Variants in GABPB2 observed in about 807,000 individuals in gnomAD.
GABPB2 encodes GA binding protein transcription factor subunit beta 2.
In GABPB2, 23 loss-of-function variants were observed where a neutral mutation model predicts 39.1. That is an observed-to-expected ratio of 0.59 (90% CI 0.42 to 0.83). The LOEUF (loss-of-function observed/expected upper bound fraction) is 0.83. Among genes scored for constraint, GABPB2 ranks in the 40% least tolerant of loss-of-function variants. The probability of loss-of-function intolerance (pLI) is 0.00; values close to 1 mark genes in which losing one functional copy is unlikely to be tolerated. For synonymous variants in GABPB2, 184 were observed against 199.3 expected, an observed-to-expected ratio of 0.92 and a Z score of 0.65; for missense variants, 467 against 541.1, an observed-to-expected ratio of 0.86 and a Z score of 1.36.
intron 7 of GABPB2, among the ~76,000 whole-genome samples, chr1:151,108,432 A>G (rs1558155318): frequency 1.3e-5 from 2 of 152,144 alleles, no homozygotes; most frequent in Non-Finnish European, 2.9e-5. Context: ...TAAGCCTCCC[A>G]GAGTGCTGGG....
Position 151,107,132 on chromosome 1 carries a change from G to A in GABPB2, c.832G>A (p.Asp278Asn), listed in dbSNP as rs1680030535. Reference protein sequence around the residue: ...GGQRVITIVTDGVPLGNIQTS... With the variant: ...GGQRVITIVTNGVPLGNIQTS... Reference sequence around the variant, plus strand: ...CCAGAGGGTCATCACCATAGTGACTGATGGAGTCCCTCTGGGTAATATCCA... The same window carrying A: ...CCAGAGGGTCATCACCATAGTGACTAATGGAGTCCCTCTGGGTAATATCCA... The change falls in exon 7 of 9, where the codon GAT becomes AAT. Residue 278 changes from aspartate (D) to asparagine (N), a missense_variant. By Grantham distance (23) the Asp-to-Asn change is conservative. Transcript: ENST00000368918. 1.9e-6 allele frequency: 3 copies of A among 1,612,914 alleles called. No homozygotes were observed. The Admixed American group carries it at 5.0e-5, about 27-fold the overall frequency.
chr1:151,081,866 A>T (rs1487656687), intron 1 of GABPB2, among the ~76,000 whole-genome samples: 1 of 151,784 alleles, frequency 6.6e-6, no homozygotes, highest in South Asian at 2.1e-4. Flanking sequence ...CGAACTCCTG[A>T]CCTTAGGTGA....
chr1:151,105,499 A>G (rs888005692), intron 6 of GABPB2, among the ~76,000 whole-genome samples: 2 of 150,410 alleles, frequency 1.3e-5, no homozygotes, highest in African/African-American at 4.9e-5. Context: ...ATGTATATAT[A>G]TATATGTTTG....
chr1:151,093,765 A>G (rs1227506962), intron 4 of GABPB2, among the ~76,000 whole-genome samples: 1 of 151,990 alleles, frequency 6.6e-6, no homozygotes. Flanking sequence ...GACTTGGGAC[A>G]ATATTAAAAG....
intron 1 of GABPB2, among the ~76,000 whole-genome samples, chr1:151,085,555 C>T (rs1031331606): frequency 2.0e-5 from 3 of 152,142 alleles, no homozygotes; most frequent in Non-Finnish European, 4.4e-5. Context: ...ATTCTCCTGC[C>T]TCAGCCTCCT....
In GABPB2 at chr1:151,107,224, T is replaced by C; in HGVS notation, c.922+2T>C. ...TAACTGTGCAAGATGGACAGCAAGG[T>C]GAGTTATCTCTTGTAGACAATTGTT... On this transcript the variant is annotated splice_donor_variant, in intron 7 of 8. Coordinates refer to ENST00000368918, the MANE Select transcript of GABPB2 (RefSeq NM_144618.3). LOFTEE classifies it high-confidence loss of function. 6.4e-7 allele frequency: 1 copy of C among 1,563,640 alleles called. No individual in the cohort carries two copies. The highest frequency in any genetic ancestry group is 8.6e-7 in the Non-Finnish European group (1 of 1,156,244).
intron 6 of GABPB2, among the ~76,000 whole-genome samples, chr1:151,104,290 A>G (rs954158273): frequency 7.2e-5 from 11 of 152,226 alleles, no homozygotes; most frequent in African/African-American, 2.4e-5. Flanking sequence ...GCATATAGTC[A>G]TAGTTAGGGC....
At chr1:151,081,317 C>A (rs1162385939) in intron 1 of GABPB2, among the ~76,000 whole-genome samples, 2 of 151,954 alleles carry the variant, frequency 1.3e-5, no homozygotes, top group African/African-American at 4.8e-5. Context: ...GGTGAAACCC[C>A]GTCTCTACTA....
Position 151,103,567 on chromosome 1 carries a change from C to A in GABPB2, c.628C>A (p.Pro210Thr), listed in dbSNP as rs1165470658. ...TGTCTTTCTTACTGAAATAGGTGAC[C>A]CCCATGCCTCAACAGTACAGTTTTC... is the stretch of plus-strand genomic sequence containing the variant. ...STNTKTTSGD[P>T]HASTVQFSNS... is the part of the protein sequence containing the mutation. Residue 210 changes from proline (P) to threonine (T), a missense_variant, in exon 6 of 9, where the codon CCC becomes ACC. Transcript: ENST00000368918. The A allele has an allele frequency of 2.5e-6, 4 of 1,610,914 alleles. No individual in the cohort carries two copies. Among genetic ancestry groups the A allele is most frequent in the Admixed American group, 3.3e-5 (2 of 59,896 alleles).
chr1:151,114,214 G>A (rs1187721874), intron 7 of GABPB2, among the ~76,000 whole-genome samples: 1 of 151,924 alleles, frequency 6.6e-6, no homozygotes, highest in Non-Finnish European at 1.5e-5. Context: ...ATATTAGCCA[G>A]GCGTGCTTTT....
At position 151,110,204 on chromosome 1, in the gene GABPB2, G is replaced by A. The variant is rs1356038292; in HGVS notation, c.922+2982G>A. Among the ~76,000 whole-genome samples, 24 of 151,062 alleles carry A rather than the reference G, an allele frequency of 1.6e-4. 2 individuals are homozygous for A. The Admixed American group carries it at 1.6e-3, about 10-fold the overall frequency. On this transcript the variant is annotated intron_variant, in intron 7 of 8. Coordinates refer to ENST00000368918, the MANE Select transcript of GABPB2 (RefSeq NM_144618.3). Reference sequence around the variant, plus strand: ...CAGACTGGGTCTTACTATGTTGCCCGTGTTGGGATTTATAATTTTTTAATT... The same window carrying A: ...CAGACTGGGTCTTACTATGTTGCCCATGTTGGGATTTATAATTTTTTAATT...
intron 2 of GABPB2, among the ~76,000 whole-genome samples, chr1:151,088,742 T>C (rs912585165): frequency 1.3e-5 from 2 of 152,248 alleles, no homozygotes; most frequent in African/African-American, 4.8e-5. Flanking sequence ...GGCTCACGCC[T>C]GTAATCCCAG....
intron 7 of GABPB2, among the ~76,000 whole-genome samples, chr1:151,110,255 T>C (rs1471343532): frequency 6.6e-6 from 1 of 151,842 alleles, no homozygotes; most frequent in Non-Finnish European, 1.5e-5. Flanking sequence ...TCAGAAAGTA[T>C]GGGAAGATAA....
At chr1:151,083,192 A>G (rs1356551980) in intron 1 of GABPB2, among the ~76,000 whole-genome samples, 2 of 152,174 alleles carry the variant, frequency 1.3e-5, no homozygotes, top group Admixed American at 6.6e-5. Context: ...TTATTATACA[A>G]TGTCAAAAAA....
rs1318044706 is a variant in GABPB2, at chr1:151,071,724, G to C, written c.-1+790G>C. Among the ~76,000 whole-genome samples the C allele has an allele frequency of 3.3e-5, 5 of 152,240 alleles. No homozygotes were observed. The East Asian group carries it at 9.6e-4, about 29-fold the overall frequency. On this transcript the variant is annotated intron_variant, in intron 1 of 8. Transcript: ENST00000368918. ...TGACCTTAGGGGATCCCCCCGCCTT[G>C]GCCTTCCAAAGTGCTGGGATTGCAG...
rs1558168181 is a variant in GABPB2, at chr1:151,122,139, G to T, written c.*3883G>T. 1 of 152,174 alleles carries T rather than the reference G, an allele frequency of 6.6e-6. No individual in the cohort carries two copies. The highest frequency in any genetic ancestry group is 1.5e-5 in the Non-Finnish European group (1 of 68,038). The allele number at this position is 152,174 out of a possible 1,614,324, so 9.4% of individuals were successfully genotyped here. On this transcript the variant is annotated 3_prime_UTR_variant, in exon 9 of 9. Transcript: ENST00000368918. ...CTCCCCAAACCAAATTTAACAAACAGAATTGGTTATTAGAGATTTATAGGC... is the reference window on the plus strand; with the variant it reads ...CTCCCCAAACCAAATTTAACAAACATAATTGGTTATTAGAGATTTATAGGC...
intron 4 of GABPB2, among the ~76,000 whole-genome samples, chr1:151,096,585 T>G (rs1189988287): frequency 2.6e-5 from 4 of 152,138 alleles, no homozygotes; most frequent in Non-Finnish European, 4.4e-5. Context: ...TTTAAAGTAG[T>G]GATTATGTTT....
At chr1:151,117,709 G>T (rs1405663105) in intron 8 of GABPB2, among the ~76,000 whole-genome samples, 193 bp downstream of exon 8, 1 of 152,108 alleles carries the variant, frequency 6.6e-6, no homozygotes, top group East Asian at 1.9e-4. Flanking sequence ...TCAGCCTCCT[G>T]AGTAGCTGGG....
intron 1 of GABPB2, among the ~76,000 whole-genome samples, chr1:151,086,213 TCCAG>T (rs1479265475): frequency 6.6e-6 from 1 of 151,880 alleles, no homozygotes; most frequent in Non-Finnish European, 1.5e-5. Flanking sequence ...CCCACTGCAC[TCCAG>T]CCTGGGTGAC....
Sources: allele counts gnomAD v4.1 joint callset (sites outside exome capture counted in the v4.1 genomes callset), GRCh38; gene constraint gnomAD v4.1.1; transcripts MANE v1.5; gene names NCBI Gene and HGNC (gene_info 2026-07-23, HGNC 2026-07-21).